Variants in LRRC4C observed in about 807,000 individuals in gnomAD.
LRRC4C encodes the protein leucine-rich repeat-containing protein 4C.
LRRC4C carries 5 observed loss-of-function variants against 33.6 expected under a neutral mutation model. The observed-to-expected ratio is 0.15, with a 90% CI of 0.08 to 0.31. The LOEUF is 0.31. Ranked by LOEUF, LRRC4C falls within the 10% of genes least tolerant of loss-of-function variation. The pLI is 1.00. For missense variants in LRRC4C, 560 were observed against 796.7 expected, an observed-to-expected ratio of 0.70 and a Z score of 3.58; for synonymous variants, 329 against 302.0, an observed-to-expected ratio of 1.09 and a Z score of -0.93.
At chr11:41,255,207 ATCT>A (rs1341439349) in intron 1 of LRRC4C, among the ~76,000 whole-genome samples, 1 of 152,026 alleles carries the variant, frequency 6.6e-6, no homozygotes, top group Non-Finnish European at 1.5e-5. Flanking sequence ...ATACAGATGG[ATCT>A]TCTTCTCTTG....
At chr11:40,151,779 A>G (rs1239321216) in intron 5 of LRRC4C, among the ~76,000 whole-genome samples, 1 of 152,218 alleles carries the variant, frequency 6.6e-6, no homozygotes, top group East Asian at 1.9e-4. Flanking sequence ...GATCTCTGTC[A>G]TTATTCTGTG....
chr11:40,825,038 T>C (rs933680779), intron 2 of LRRC4C, among the ~76,000 whole-genome samples: 1 of 151,970 alleles, frequency 6.6e-6, no homozygotes, highest in African/African-American at 2.4e-5. Context: ...TTATCAGTTA[T>C]CCACTAAGTA....
chr11:40,868,286 C>T (rs1413656317), intron 2 of LRRC4C, among the ~76,000 whole-genome samples: 1 of 152,018 alleles, frequency 6.6e-6, no homozygotes, highest in Non-Finnish European at 1.5e-5. Context: ...GTTTTAATTG[C>T]CATAATGGCT....
At chr11:40,496,707 G>A (rs1749448154) in intron 3 of LRRC4C, among the ~76,000 whole-genome samples, 1 of 152,048 alleles carries the variant, frequency 6.6e-6, no homozygotes, top group South Asian at 2.1e-4. Context: ...GATGATTAAT[G>A]GGGAGATAGA....
At chr11:41,329,151 T>A (rs183586685) in intron 1 of LRRC4C, among the ~76,000 whole-genome samples, 17 of 152,322 alleles carry the variant, frequency 1.1e-4, no homozygotes, top group Admixed American at 1.1e-3. Flanking sequence ...CATTGGTAAC[T>A]CATGATAGAA....
chr11:41,239,344 AAAT>A (rs1317731972), intron 1 of LRRC4C, among the ~76,000 whole-genome samples: 13 of 148,964 alleles, frequency 8.7e-5, no homozygotes, highest in African/African-American at 3.0e-4. Flanking sequence ...AAAAAAAAAA[AAAT>A]GTCCTCCACA....
intron 3 of LRRC4C, among the ~76,000 whole-genome samples, chr11:40,330,898 T>C (rs1177624656): frequency 1.3e-5 from 2 of 152,180 alleles, no homozygotes; most frequent in African/African-American, 2.4e-5. Flanking sequence ...TTAACTATAG[T>C]GTTATAGAGC....
intron 1 of LRRC4C, among the ~76,000 whole-genome samples, chr11:40,968,768 A>G (rs1477613775): frequency 6.6e-6 from 1 of 152,152 alleles, no homozygotes; most frequent in African/African-American, 2.4e-5. Context: ...TAGAAAAAAA[A>G]TGAATCCCTT....
rs1050735575 is a variant in LRRC4C at position 41,090,316 on chromosome 11, C to T, written c.-495-156593G>A. Among the ~76,000 whole-genome samples, 16 of 151,818 alleles carry T rather than the reference C, an allele frequency of 1.1e-4. No individual in the cohort carries two copies. In the East Asian group the frequency reaches 1.5e-3, roughly 15 times the overall value. ...ACATCATGGTGTTCACATCTCACAG[C>T]GTTTATTTCTTGGGTAAATGTAAGA... On this transcript the variant is annotated intron_variant, in intron 1 of 6. Transcript: ENST00000528697.
intron 2 of LRRC4C, among the ~76,000 whole-genome samples, chr11:40,768,005 A>G (rs1433477814): frequency 6.6e-6 from 1 of 152,050 alleles, no homozygotes; most frequent in Non-Finnish European, 1.5e-5. Context: ...TTGAAAGGGG[A>G]AAAGCAATAC....
intron 1 of LRRC4C, among the ~76,000 whole-genome samples, chr11:41,374,764 A>G (rs1478179191): frequency 6.6e-6 from 1 of 152,222 alleles, no homozygotes; most frequent in East Asian, 1.9e-4. Context: ...AAAATTATGT[A>G]GGAAAATAAC....
intron 1 of LRRC4C, among the ~76,000 whole-genome samples, chr11:41,117,086 C>A (rs950401674): frequency 1.3e-5 from 2 of 152,074 alleles, no homozygotes; most frequent in African/African-American, 4.8e-5. Flanking sequence ...TGTTAGCCTG[C>A]TGGAGAATGA....
At chr11:40,185,076 A>C (rs2135551483) in intron 5 of LRRC4C, among the ~76,000 whole-genome samples, 1 of 152,356 alleles carries the variant, frequency 6.6e-6, no homozygotes, top group South Asian at 2.1e-4. Flanking sequence ...GTTGACAGCC[A>C]GCTGAGTACA....
intron 2 of LRRC4C, among the ~76,000 whole-genome samples, chr11:40,810,628 C>T (rs1379820065): frequency 6.6e-6 from 1 of 152,054 alleles, no homozygotes; most frequent in Non-Finnish European, 1.5e-5. Flanking sequence ...CAAATTGCTC[C>T]TTCCATTCCC....
intron 2 of LRRC4C, among the ~76,000 whole-genome samples, chr11:40,710,446 G>T (rs879222681): frequency 6.6e-6 from 1 of 152,158 alleles, no homozygotes; most frequent in Non-Finnish European, 1.5e-5. Context: ...TAACAGTCAG[G>T]TCCCTCAGCT....
At chr11:40,773,326 A>G (rs1348114576) in intron 2 of LRRC4C, among the ~76,000 whole-genome samples, 1 of 152,112 alleles carries the variant, frequency 6.6e-6, no homozygotes, top group African/African-American at 2.4e-5. Flanking sequence ...ACAACAATTT[A>G]TTATACATTT....
chr11:40,206,846 T>C (rs776536128), intron 5 of LRRC4C, among the ~76,000 whole-genome samples: 6 of 152,172 alleles, frequency 3.9e-5, no homozygotes, highest in Non-Finnish European at 7.3e-5. Context: ...TCTTAACAGA[T>C]AGAATTCATA....
At chr11:40,773,935 ACTACCAGTTATAT>A (rs1285879058) in intron 2 of LRRC4C, among the ~76,000 whole-genome samples, 8 of 152,106 alleles carry the variant, frequency 5.3e-5, no homozygotes, top group African/African-American at 1.9e-4. Flanking sequence ...ATGTTCTGCA[ACTACCAGTTATAT>A]CTAGTCTTCA....
intron 1 of LRRC4C, among the ~76,000 whole-genome samples, chr11:41,001,338 T>C (rs1292701009): frequency 6.6e-6 from 1 of 152,174 alleles, no homozygotes; most frequent in Non-Finnish European, 1.5e-5. Context: ...AAGGAGACCA[T>C]TGCCATAAAT....
Sources: gnomAD v4.1 joint callset for allele counts (sites outside exome capture counted in the v4.1 genomes callset) on GRCh38, gnomAD v4.1.1 for gene constraint, MANE v1.5 for transcripts, NCBI Gene and HGNC (gene_info 2026-07-23, HGNC 2026-07-21) for gene names.